Variants in RAB36 observed in about 807,000 individuals in gnomAD.
RAB36 encodes RAB36, member RAS oncogene family, also known as ras-related protein Rab-36.
RAB36 carries 33 observed loss-of-function variants against 39.3 expected under a neutral mutation model. That is an observed-to-expected ratio of 0.84 (90% CI 0.64 to 1.12). The LOEUF is 1.12. Among genes scored for constraint, RAB36 ranks in the 50% most tolerant of loss-of-function variants. The pLI is 0.00. For missense variants in RAB36, 308 were observed against 355.3 expected, an observed-to-expected ratio of 0.87 and a Z score of 1.07; for synonymous variants, 133 against 140.2, an observed-to-expected ratio of 0.95 and a Z score of 0.36.
chr22:23,151,306 G>A (rs922731140), intron 3 of RAB36, among the ~76,000 whole-genome samples: 15 of 152,216 alleles, frequency 9.9e-5, no homozygotes, highest in South Asian at 2.1e-4. Flanking sequence ...TGGAGGTGGG[G>A]AAACTGAGGA....
At position 23,161,619 on chromosome 22, in the gene RAB36, CG is replaced by C; in HGVS notation, c.*56del. On this transcript the variant is annotated 3_prime_UTR_variant, in exon 11 of 11. Transcript: ENST00000263116. Reference sequence around the variant, plus strand: ...CTGCACACACACGGACAGGAATTTCCGTGACTGTGGTGTGGAGACTGGAGCC... The same window carrying C: ...CTGCACACACACGGACAGGAATTTCCTGACTGTGGTGTGGAGACTGGAGCC... The C allele has an allele frequency of 6.8e-7, 1 of 1,460,522 alleles. No individual in the cohort carries two copies. Among genetic ancestry groups the C allele is most frequent in the Non-Finnish European group, 9.4e-7 (1 of 1,065,306 alleles). The allele number at this position is 1,460,522 out of a possible 1,614,324, so 90.5% of individuals were successfully genotyped here. A position where few individuals can be genotyped will look rare whatever the true frequency, so the allele number is the denominator to read the frequency against.
intron 2 of RAB36, among the ~76,000 whole-genome samples, chr22:23,149,396 G>T (rs765340720): frequency 3.9e-5 from 6 of 152,330 alleles, no homozygotes; most frequent in Non-Finnish European, 8.8e-5. Flanking sequence ...GGTACGTGCA[G>T]TTTTTTCTGA....
chr22:23,159,124 G>C lies in RAB36; in HGVS notation c.529-39G>C, dbSNP rs780250915. ...TATCCCCCTGGGCCTCCCTGCAGGA[G>C]AGCCGGGACGCTGGGTCAACAAGGG... On this transcript the variant is annotated intron_variant, in intron 8 of 10. Coordinates refer to ENST00000263116, the MANE Select transcript of RAB36 (RefSeq NM_004914.5). The C allele has an allele frequency of 6.9e-6, 11 of 1,599,590 alleles. No homozygotes were observed. The South Asian group carries it at 1.2e-4, about 18-fold the overall frequency.
At position 23,163,606 on chromosome 22, in the gene RAB36, G is replaced by GCCGCCCCC. The variant is rs1555954101; in HGVS notation, c.*2044_*2045insGCCCCCCC. The stretch of plus-strand genomic sequence containing the variant: ...AAAGCATATAAAATACAAGGTGAAA[G>GCCGCCCCC]CCCCCCCCCCGCCACATTAGCTGCG... On this transcript the variant is annotated 3_prime_UTR_variant, in exon 11 of 11. Transcript: ENST00000263116. The GCCGCCCCC allele has an allele frequency of 8.0e-6, 1 of 125,234 alleles. No homozygotes were observed. The highest frequency in any genetic ancestry group is 2.7e-5 in the African/African-American group (1 of 36,394). 7.8% of individuals were successfully genotyped at this position (125,234 alleles called of 1,614,324 possible).
intron 5 of RAB36, among the ~76,000 whole-genome samples, chr22:23,154,600 G>A (rs1018956475): frequency 6.6e-6 from 1 of 152,160 alleles, no homozygotes; most frequent in East Asian, 1.9e-4. Flanking sequence ...GGGCTCACCC[G>A]TGTGACCACA....
At chr22:23,153,668 G>A in intron 5 of RAB36, 4 of 443,572 alleles carry the variant, frequency 9.0e-6, no homozygotes, top group Non-Finnish European at 1.2e-5. Flanking sequence ...CCTCTCCCCA[G>A]CCTCACTTTC....
Position 23,159,033 on chromosome 22 carries a change from T to TA in RAB36, c.528+55dup, listed in dbSNP as rs2071624314. 7.5e-6 allele frequency: 12 copies of TA among 1,593,462 alleles called. No homozygotes were observed. In the South Asian group the frequency reaches 1.1e-4, roughly 15 times the overall value. On this transcript the variant is annotated intron_variant, in intron 8 of 10. Transcript: ENST00000263116. ...TGGCCCTTGGGAAAATGCCTCCCCTTACAGCCCTCATTGGAGGAGCCATGG... is the reference window on the plus strand; with the variant it reads ...TGGCCCTTGGGAAAATGCCTCCCCTTAACAGCCCTCATTGGAGGAGCCATGG...
chr22:23,163,420 AG>A lies in RAB36; in HGVS notation c.*1858del, dbSNP rs1264001659. On this transcript the variant is annotated 3_prime_UTR_variant, in exon 11 of 11. Coordinates refer to ENST00000263116, the MANE Select transcript of RAB36 (RefSeq NM_004914.5). ...AATTTTTTATATTTTTAGTAGAGAG[AG>A]GTTTCACCGTGTTAGCCAGGATGGT... 1 of 148,404 alleles carries A rather than the reference AG, an allele frequency of 6.7e-6. No individual in the cohort carries two copies. Among genetic ancestry groups the A allele is most frequent in the Non-Finnish European group, 1.5e-5 (1 of 67,404 alleles). 9.2% of individuals were successfully genotyped at this position (148,404 alleles called of 1,614,324 possible). A position where few individuals can be genotyped will look rare whatever the true frequency, so the allele number is the denominator to read the frequency against.
At chr22:23,155,883 C>G in intron 5 of RAB36, 85 bp from the exon 6 acceptor site, 1 of 1,301,678 alleles carries the variant, frequency 7.7e-7, no homozygotes, top group Non-Finnish European at 1.0e-6. Flanking sequence ...GGGTCTCCCA[C>G]CCATGGTCCC....
intron 2 of RAB36, among the ~76,000 whole-genome samples, chr22:23,147,099 C>T (rs151169391): frequency 3.9e-5 from 6 of 152,284 alleles, no homozygotes; most frequent in African/African-American, 1.2e-4. Context: ...TTCTCATCAT[C>T]GTTGTTGTTA....
rs955850246 is a variant in RAB36, at chr22:23,150,293, CT to C, written c.161+149del. 2.8e-3 allele frequency: 1,379 copies of C among 495,124 alleles called. 6 individuals are homozygous for C. The highest frequency in any genetic ancestry group is 0.018 in the African/African-American group (861 of 48,390). The allele number at this position is 495,124 out of a possible 1,614,324, so 30.7% of individuals were successfully genotyped here. ...CAGGCCTGAAGATGACTGGGGTTTT[CT>C]TTTTTTTTTCTTTTTTTTTTTTTTT... On this transcript the variant is annotated intron_variant, in intron 3 of 10. Coordinates refer to ENST00000263116, the MANE Select transcript of RAB36 (RefSeq NM_004914.5).
At chr22:23,152,001 C>T (rs1224394047) in intron 3 of RAB36, among the ~76,000 whole-genome samples, 1 of 152,216 alleles carries the variant, frequency 6.6e-6, no homozygotes, top group East Asian at 1.9e-4. Flanking sequence ...CATCGGCGCA[C>T]AGCCCCGGGG....
At chr22:23,152,278 C>CTCTCCCG (rs776432322) in intron 3 of RAB36, among the ~76,000 whole-genome samples, 183 bp from the exon 4 acceptor site, 10 of 152,182 alleles carry the variant, frequency 6.6e-5, no homozygotes, top group Non-Finnish European at 4.4e-5. Context: ...AGTCTCCAGC[C>CTCTCCCG]TCTCCCGTCT....
At position 23,160,934 on chromosome 22, in the gene RAB36, G is replaced by T. The variant is rs5759611; in HGVS notation, c.675G>T (p.Ser225=). The change falls in exon 10 of 11, where the codon TCG becomes TCT. Residue 225 remains serine, a synonymous_variant. Transcript: ENST00000263116. ...SRVAALAFEQ[S]VLQDLERQSS... is the part of the protein sequence containing the mutation. ...TAGCCGCCCTGGCATTCGAGCAGTC[G>T]GTGCTGCAGGACCTGGAGAGGCAGA... The T allele has an allele frequency of 6.2e-7, 1 of 1,613,658 alleles. No individual in the cohort carries two copies. Among genetic ancestry groups the T allele is most frequent in the Non-Finnish European group, 8.5e-7 (1 of 1,179,832 alleles).
intron 5 of RAB36, among the ~76,000 whole-genome samples, chr22:23,155,464 C>T (rs1289686192): frequency 1.3e-5 from 2 of 152,196 alleles, no homozygotes; most frequent in African/African-American, 2.4e-5. Flanking sequence ...CCACCTATTG[C>T]TCCAGTGTTA....
At chr22:23,168,102 T>C (rs957895076), downstream of RAB36, among the ~76,000 whole-genome samples, 1 of 152,208 alleles carries the variant, frequency 6.6e-6, no homozygotes, top group Non-Finnish European at 1.5e-5. Flanking sequence ...TCAGCTTTCC[T>C]GGAGCCCCCT....
At chr22:23,150,316 T>G (rs866185862) in intron 3 of RAB36, among the ~76,000 whole-genome samples, 162 bp downstream of exon 3, 15 of 150,666 alleles carry the variant, frequency 1.0e-4, no homozygotes, top group Admixed American at 2.6e-4. Flanking sequence ...TTTTTTTTTT[T>G]TTTGAGACAG....
At chr22:23,158,830 G>C in intron 7 of RAB36, 68 bp from the exon 8 acceptor site, 1 of 1,424,924 alleles carries the variant, frequency 7.0e-7, no homozygotes, top group Non-Finnish European at 9.9e-7. Flanking sequence ...GGTCCCAAGT[G>C]TGCCCTCTGC....
At position 23,161,665 on chromosome 22, in the gene RAB36, C is replaced by A; in HGVS notation, c.*101C>A. On this transcript the variant is annotated 3_prime_UTR_variant, in exon 11 of 11. Coordinates refer to ENST00000263116, the MANE Select transcript of RAB36 (RefSeq NM_004914.5). ...GGAGCCCAAGCTCTGCAGCGTGTCG[C>A]CCTCAAGCTGTAGGCCCATGTTCCA... 9.2e-7 allele frequency: 1 copy of A among 1,089,330 alleles called. No individual in the cohort carries two copies. The highest frequency in any genetic ancestry group is 1.3e-6 in the Non-Finnish European group (1 of 760,256). The allele number at this position is 1,089,330 out of a possible 1,614,324, so 67.5% of individuals were successfully genotyped here.
Sources: allele counts gnomAD v4.1 joint callset (sites outside exome capture counted in the v4.1 genomes callset), GRCh38; gene constraint gnomAD v4.1.1; transcripts MANE v1.5; gene names NCBI Gene and HGNC (gene_info 2026-07-23, HGNC 2026-07-21).